Variants in MICAL3 observed in about 807,000 individuals in gnomAD.
MICAL3 encodes microtubule associated monooxygenase, calponin and LIM domain containing 3.
In MICAL3, 62 loss-of-function variants were observed where a neutral mutation model predicts 207.4. The ratio of observed to expected loss-of-function variants is 0.30; its 90% CI spans 0.24 to 0.37. MICAL3 has a LOEUF of 0.37. Ranked by LOEUF, MICAL3 falls within the 10% of genes least tolerant of loss-of-function variation. The pLI, the probability that MICAL3 is intolerant of heterozygous loss-of-function variation, is 1.00. For synonymous variants in MICAL3, 1,077 were observed against 1,069.3 expected (o/e 1.01, Z -0.14); for missense variants, 2,368 against 2,635.6 (o/e 0.90, Z 2.22).
At chr22:17,967,342 C>A (rs1336333617) in intron 1 of MICAL3, among the ~76,000 whole-genome samples, 5 of 148,528 alleles carry the variant, frequency 3.4e-5, no homozygotes, top group Admixed American at 6.7e-5. Context: ...ATCACAACGG[C>A]ATCTACATAC....
At chr22:17,936,734 T>G (rs183491011) in intron 1 of MICAL3, among the ~76,000 whole-genome samples, 1 of 152,292 alleles carries the variant, frequency 6.6e-6, no homozygotes, top group East Asian at 1.9e-4. Context: ...TAAAAAATTC[T>G]CTAGAATTGA....
chr22:17,994,042 C>A (rs1921996725), intron 1 of MICAL3, among the ~76,000 whole-genome samples: 1 of 152,208 alleles, frequency 6.6e-6, no homozygotes, highest in Admixed American at 6.5e-5. Context: ...GGACTGAGCG[C>A]GTTAAGACAC....
At chr22:17,860,631 C>T (rs971334488) in intron 19 of MICAL3, 12 of 985,388 alleles carry the variant, frequency 1.2e-5, no homozygotes, top group African/African-American at 3.5e-5. Context: ...TGGGCTCAAA[C>T]GGCTAACTCA....
chr22:17,982,755 AAAAGTAAAAT>A (rs1433643977), intron 1 of MICAL3, among the ~76,000 whole-genome samples: 1 of 141,258 alleles, frequency 7.1e-6, no homozygotes, highest in African/African-American at 2.9e-5. Context: ...AATAAAATAA[AAAAGTAAAAT>A]AAAGTAAAAT....
intron 1 of MICAL3, chr22:17,980,980 CT>C (rs1249109836): frequency 1.0e-5 from 5 of 492,796 alleles, no homozygotes; most frequent in Admixed American, 2.1e-5. Context: ...TATTGGTCCC[CT>C]CCAGACACTG....
intron 19 of MICAL3, among the ~76,000 whole-genome samples, chr22:17,857,384 C>G (rs1307755566): frequency 6.6e-6 from 1 of 152,232 alleles, no homozygotes; most frequent in Non-Finnish European, 1.5e-5. Flanking sequence ...GCCTGATGAT[C>G]TGAGGTGGAA....
At chr22:17,944,701 G>A (rs1304821039) in intron 1 of MICAL3, among the ~76,000 whole-genome samples, 3 of 152,138 alleles carry the variant, frequency 2.0e-5, no homozygotes, top group Admixed American at 6.5e-5. Flanking sequence ...TTCACGTGCC[G>A]CTCCAGGGGA....
At chr22:17,879,252 C>T (rs1188184370) in intron 16 of MICAL3, 9 of 1,057,084 alleles carry the variant, frequency 8.5e-6, no homozygotes, top group Admixed American at 2.8e-5. Context: ...GGGAGGGGGC[C>T]GTCCCCCATA....
chr22:17,863,078 T>C (rs1844900639), intron 19 of MICAL3: 1 of 985,312 alleles, frequency 1.0e-6, no homozygotes, highest in South Asian at 4.7e-5. Flanking sequence ...TTCTTCCTCT[T>C]ATTCTCTATG....
chr22:17,920,414 CCT>C (rs1323224915), intron 1 of MICAL3, among the ~76,000 whole-genome samples: 2 of 152,184 alleles, frequency 1.3e-5, no homozygotes, highest in Admixed American at 1.3e-4. Flanking sequence ...TCCAATCTGG[CCT>C]CTGTCTCCAA....
At chr22:17,987,772 G>A (rs1921199338) in intron 1 of MICAL3, among the ~76,000 whole-genome samples, 1 of 151,366 alleles carries the variant, frequency 6.6e-6, no homozygotes, top group Non-Finnish European at 1.5e-5. Context: ...AGGGTAAAGG[G>A]GCACAATGTC....
At chr22:17,946,624 A>G (rs1051552631) in intron 1 of MICAL3, among the ~76,000 whole-genome samples, 1 of 152,202 alleles carries the variant, frequency 6.6e-6, no homozygotes, top group Non-Finnish European at 1.5e-5. Context: ...ACACATCCCC[A>G]AAGTACCAGG....
chr22:17,966,262 G>C (rs1469036766), intron 1 of MICAL3, among the ~76,000 whole-genome samples: 1 of 152,082 alleles, frequency 6.6e-6, no homozygotes, highest in Non-Finnish European at 1.5e-5. Context: ...GCCCTCCAAA[G>C]TGGCCCCACA....
At chr22:17,852,708 C>T (rs1251044194) in intron 19 of MICAL3, among the ~76,000 whole-genome samples, 1 of 152,214 alleles carries the variant, frequency 6.6e-6, no homozygotes, top group Non-Finnish European at 1.5e-5. Flanking sequence ...CGCATAAACC[C>T]TTGCTCTGCC....
chr22:17,819,567 T>C (rs1019427684), intron 25 of MICAL3, among the ~76,000 whole-genome samples: 1 of 151,996 alleles, frequency 6.6e-6, no homozygotes, highest in South Asian at 2.1e-4. Flanking sequence ...TTGTCCTCCC[T>C]AGGAAGCTCA....
intron 16 of MICAL3, among the ~76,000 whole-genome samples, chr22:17,877,468 T>TGGAGGTTAG (rs1232074076): frequency 1.2e-5 from 1 of 85,986 alleles, no homozygotes. Flanking sequence ...AGGGAGATTA[T>TGGAGGTTAG]GGAGGTTAGG....
intron 1 of MICAL3, among the ~76,000 whole-genome samples, chr22:18,010,636 T>A (rs452911): frequency 0.26 from 40,182 of 151,988 alleles, 7,414 homozygotes; most frequent in African/African-American, 0.53. Context: ...CCCTTTTCTT[T>A]TCTTAGCTCC....
chr22:17,899,283 G>A (rs1447234514), intron 7 of MICAL3, 165 bp downstream of exon 7: 4 of 695,210 alleles, frequency 5.8e-6, no homozygotes, highest in Non-Finnish European at 1.1e-5. Flanking sequence ...ATTAGCCATA[G>A]TTAAGAGTTG....
chr22:17,799,982 A>ACACACACACACACACACG (rs932512538), intron 29 of MICAL3, among the ~76,000 whole-genome samples: 64 of 147,750 alleles, frequency 4.3e-4, no homozygotes, highest in African/African-American at 1.5e-3. Context: ...ACACACACAC[A>ACACACACACACACACACG]CGCGTTGGGA....
Sources: allele counts gnomAD v4.1 joint callset (sites outside exome capture counted in the v4.1 genomes callset), GRCh38; gene constraint gnomAD v4.1.1; transcripts MANE v1.5; gene names NCBI Gene and HGNC (gene_info 2026-07-23, HGNC 2026-07-21).